The following TRPM3 variants were observed in gnomAD, a reference collection of about 807,000 sequenced individuals.
TRPM3 encodes long transient receptor potential channel 3.
A neutral mutation model predicts 181.2 loss-of-function variants in TRPM3; 77 were observed. The ratio of observed to expected loss-of-function variants is 0.42; its 90% CI spans 0.35 to 0.51. The LOEUF (loss-of-function observed/expected upper bound fraction) is 0.51, where lower values mean the gene tolerates loss of function less well. Ranked by LOEUF, TRPM3 falls within the 20% of genes least tolerant of loss-of-function variation. The probability of loss-of-function intolerance (pLI) is 0.01; values close to 1 mark genes in which losing one functional copy is unlikely to be tolerated. For synonymous variants in TRPM3, 745 were observed against 796.4 expected (o/e 0.94, Z 1.09); for missense variants, 1,759 against 2,196.7 (o/e 0.80, Z 3.98).
intron 22 of TRPM3, 50 bp from the exon 23 acceptor site, chr9:70,553,360 GA>G (rs1301428876): frequency 1.9e-6 from 3 of 1,583,578 alleles, no homozygotes; most frequent in Non-Finnish European, 8.6e-7. Context: ...ATTTGAGTTA[GA>G]AAAAAAATAA....
chr9:71,103,341 TTGAG>T (rs1413256916), intron 1 of TRPM3, among the ~76,000 whole-genome samples: 4 of 152,206 alleles, frequency 2.6e-5, no homozygotes, highest in Admixed American at 2.6e-4. Flanking sequence ...GAACAAAGTA[TTGAG>T]TGCCTGCTCT....
chr9:71,264,981 A>G (rs1348548683), intron 1 of TRPM3, among the ~76,000 whole-genome samples: 2 of 152,192 alleles, frequency 1.3e-5, no homozygotes, highest in African/African-American at 4.8e-5. Context: ...AATACTAGAG[A>G]AAGAATGTTT....
intron 1 of TRPM3, among the ~76,000 whole-genome samples, chr9:71,300,512 CT>C (rs200428173): frequency 2.9e-4 from 43 of 149,504 alleles, no homozygotes; most frequent in Admixed American, 2.0e-3. Context: ...TGACATTAAA[CT>C]TTTTTTTTTA....
intron 1 of TRPM3, among the ~76,000 whole-genome samples, chr9:71,258,405 C>A (rs1271251683): frequency 6.6e-6 from 1 of 152,080 alleles, no homozygotes; most frequent in Non-Finnish European, 1.5e-5. Flanking sequence ...AGCTAAAGTC[C>A]CCATGAATTC....
At chr9:70,639,218 G>C in intron 10 of TRPM3, 24 bp from the exon 11 acceptor site, 2 of 1,612,616 alleles carry the variant, frequency 1.2e-6, no homozygotes, top group South Asian at 1.1e-5. Context: ...CACTGAGTTA[G>C]TCTGCCCCAG....
chr9:70,592,593 A>C (rs1340348558), intron 21 of TRPM3, among the ~76,000 whole-genome samples: 1 of 152,202 alleles, frequency 6.6e-6, no homozygotes, highest in Admixed American at 6.5e-5. Context: ...TATCGCTTGC[A>C]TCAAAACATA....
chr9:71,159,776 G>T (rs1039221120), intron 1 of TRPM3, among the ~76,000 whole-genome samples: 6 of 152,126 alleles, frequency 3.9e-5, no homozygotes, highest in Non-Finnish European at 7.3e-5. Flanking sequence ...ATATTTCAGA[G>T]ATTTATGAGG....
intron 1 of TRPM3, among the ~76,000 whole-genome samples, chr9:71,294,101 T>C (rs911821768): frequency 1.3e-5 from 2 of 152,018 alleles, no homozygotes; most frequent in African/African-American, 4.8e-5. Flanking sequence ...ATAAAGAATA[T>C]TTTATGTACC....
chr9:71,004,372 T>C (rs2134273613), intron 1 of TRPM3, among the ~76,000 whole-genome samples: 1 of 152,368 alleles, frequency 6.6e-6, no homozygotes, highest in African/African-American at 2.4e-5. Context: ...AGCACAACAA[T>C]TCAGTTCCTG....
intron 1 of TRPM3, among the ~76,000 whole-genome samples, chr9:71,391,600 TAAAC>T (rs2093065321): frequency 6.6e-6 from 1 of 152,084 alleles, no homozygotes; most frequent in Non-Finnish European, 1.5e-5. Flanking sequence ...AGATGCTAAA[TAAAC>T]AAATATTTAG....
At chr9:70,756,154 A>T (rs1474050765) in intron 8 of TRPM3, among the ~76,000 whole-genome samples, 3 of 152,114 alleles carry the variant, frequency 2.0e-5, no homozygotes, top group African/African-American at 7.2e-5. Context: ...AAACAAAACA[A>T]AAACAAACAA....
chr9:70,942,058 G>A (rs1466041443), intron 1 of TRPM3, among the ~76,000 whole-genome samples: 2 of 152,056 alleles, frequency 1.3e-5, no homozygotes, highest in Admixed American at 1.3e-4. Context: ...AATGCCATTT[G>A]ATTTTTTATG....
chr9:71,304,798 T>A (rs2087112562), intron 1 of TRPM3, among the ~76,000 whole-genome samples: 1 of 152,208 alleles, frequency 6.6e-6, no homozygotes, highest in Non-Finnish European at 1.5e-5. Context: ...TGAAACCATG[T>A]ATAGACGGAA....
intron 1 of TRPM3, among the ~76,000 whole-genome samples, chr9:70,965,928 C>T (rs530662407): frequency 6.7e-6 from 1 of 150,168 alleles, no homozygotes; most frequent in African/African-American, 2.4e-5. Context: ...ATACGGTAAA[C>T]AAAACTATCA....
chr9:71,064,047 G>A (rs139588767), intron 1 of TRPM3, among the ~76,000 whole-genome samples: 26 of 152,228 alleles, frequency 1.7e-4, no homozygotes, highest in African/African-American at 6.3e-4. Flanking sequence ...TGAAACTCAT[G>A]ATATGGAGTT....
intron 12 of TRPM3, among the ~76,000 whole-genome samples, chr9:70,627,361 C>T (rs1413009851): frequency 6.7e-6 from 1 of 148,972 alleles, no homozygotes; most frequent in Admixed American, 6.9e-5. Context: ...CAACCTCTGC[C>T]TCCTGGGTTC....
At position 71,315,682 on chromosome 9, in the gene TRPM3, T is replaced by G. The variant is rs1011043921; in HGVS notation, c.183+130971A>C. ...ACAGTTTAAAAGGATTCTGAAGAAA[T>G]TAAGGTATTTAACTAAAACAAAGAG... is the stretch of plus-strand genomic sequence containing the variant. On this transcript the variant is annotated intron_variant, in intron 1 of 24. Coordinates refer to the TRPM3 transcript ENST00000357533. 5.9e-5 allele frequency among the ~76,000 whole-genome samples: 9 copies of G among 152,262 alleles called. No homozygotes were observed. In the South Asian group the frequency reaches 1.9e-3, roughly 32 times the overall value.
At chr9:71,024,519 G>A (rs2097875621) in intron 1 of TRPM3, among the ~76,000 whole-genome samples, 1 of 152,144 alleles carries the variant, frequency 6.6e-6, no homozygotes, top group Non-Finnish European at 1.5e-5. Context: ...ATATGTGGTA[G>A]AGTATAATTC....
At chr9:70,747,100 T>C (rs780768727) in intron 8 of TRPM3, among the ~76,000 whole-genome samples, 2 of 152,210 alleles carry the variant, frequency 1.3e-5, no homozygotes, top group Non-Finnish European at 2.9e-5. Flanking sequence ...TAAAGATTTA[T>C]TGAGTGTCTG....
Sources: allele counts gnomAD v4.1 joint callset (sites outside exome capture counted in the v4.1 genomes callset), GRCh38; gene constraint gnomAD v4.1.1; transcripts MANE v1.5; gene names NCBI Gene and HGNC (gene_info 2026-07-23, HGNC 2026-07-21).